Variants in CALN1 observed in about 807,000 individuals in gnomAD.
CALN1 encodes calcium-binding protein 8.
CALN1 carries 17 observed loss-of-function variants against 30.6 expected under a neutral mutation model. That is an observed-to-expected ratio of 0.56 (90% confidence interval 0.38 to 0.83). The LOEUF is 0.83. Ranked by LOEUF, CALN1 falls within the 40% of genes least tolerant of loss-of-function variation. The pLI is 0.00. For missense variants in CALN1, 291 were observed against 354.9 expected, an observed-to-expected ratio of 0.82 and a Z score of 1.45; for synonymous variants, 156 against 131.4, an observed-to-expected ratio of 1.19 and a Z score of -1.28.
At chr7:72,178,290 T>C (rs1789511282) in intron 3 of CALN1, among the ~76,000 whole-genome samples, 1 of 152,196 alleles carries the variant, frequency 6.6e-6, no homozygotes, top group Non-Finnish European at 1.5e-5. Context: ...AGGGAAATTC[T>C]GAGAAAGAAA....
At chr7:71,936,691 T>C (rs1175447308) in intron 5 of CALN1, among the ~76,000 whole-genome samples, 1 of 152,192 alleles carries the variant, frequency 6.6e-6, no homozygotes, top group East Asian at 1.9e-4. Context: ...AAAGCTTTTT[T>C]CAATTTGATC....
intron 2 of CALN1, among the ~76,000 whole-genome samples, chr7:72,368,221 G>C (rs921125410): frequency 2.0e-5 from 3 of 150,372 alleles, no homozygotes; most frequent in Non-Finnish European, 4.4e-5. Flanking sequence ...ATATCTATGT[G>C]CGTGATATAT....
At chr7:72,065,130 A>C (rs1803931051) in intron 4 of CALN1, among the ~76,000 whole-genome samples, 1 of 148,342 alleles carries the variant, frequency 6.7e-6, no homozygotes, top group African/African-American at 2.5e-5. Flanking sequence ...TATGTAAAAT[A>C]TATTTATATT....
chr7:71,993,021 A>G (rs1799037998), intron 5 of CALN1, among the ~76,000 whole-genome samples: 1 of 151,860 alleles, frequency 6.6e-6, no homozygotes, highest in Admixed American at 6.6e-5. Flanking sequence ...ATTGGAGAAG[A>G]AAGAGAACCA....
chr7:72,015,102 A>G (rs1199333153), intron 5 of CALN1, among the ~76,000 whole-genome samples: 1 of 152,220 alleles, frequency 6.6e-6, no homozygotes, highest in Non-Finnish European at 1.5e-5. Context: ...CCACCTTTTC[A>G]AAACAGTTTA....
At chr7:72,439,721 C>A (rs143829439) in intron 1 of CALN1, among the ~76,000 whole-genome samples, 1 of 151,848 alleles carries the variant, frequency 6.6e-6, no homozygotes, top group African/African-American at 2.4e-5. Context: ...GGATGACAAG[C>A]GCCCGCCACA....
At chr7:72,390,849 C>T (rs958910957) in intron 2 of CALN1, among the ~76,000 whole-genome samples, 2 of 152,168 alleles carry the variant, frequency 1.3e-5, no homozygotes, top group Non-Finnish European at 2.9e-5. Context: ...TGATACCATG[C>T]TTATGTATAA....
chr7:72,471,007 G>C, the CALN1 span, among the ~76,000 whole-genome samples: 1 of 152,136 alleles, frequency 6.6e-6, no homozygotes, highest in African/African-American at 2.4e-5. Context: ...CCAGGCTGGA[G>C]TGCAGTGGTG....
At chr7:71,996,183 C>T (rs1000272560) in intron 5 of CALN1, among the ~76,000 whole-genome samples, 1 of 152,102 alleles carries the variant, frequency 6.6e-6, no homozygotes, top group East Asian at 1.9e-4. Flanking sequence ...ATGACTAAAC[C>T]TAAACAAGAT....
chr7:71,971,240 G>C (rs1266767262), intron 5 of CALN1, among the ~76,000 whole-genome samples: 9 of 152,138 alleles, frequency 5.9e-5, no homozygotes, highest in Non-Finnish European at 1.0e-4. Flanking sequence ...CCTGACGTCA[G>C]GAGTTCAAGA....
rs540188573 is a variant in CALN1 at position 72,027,157 on chromosome 7, C to T, written c.389-3388G>A. Among the ~76,000 whole-genome samples, 4 of 152,074 alleles carry T rather than the reference C, an allele frequency of 2.6e-5. No homozygotes were observed. In the East Asian group the frequency reaches 5.8e-4, roughly 22 times the overall value. On this transcript the variant is annotated intron_variant, in intron 4 of 6. Coordinates refer to ENST00000395275, the MANE Select transcript of CALN1 (RefSeq NM_031468.4). ...GTACATAATACACAGTGTATCTGTA[C>T]AAAATTTCAAGAGGGTGGGACAACT... is the stretch of plus-strand genomic sequence containing the variant.
In CALN1 at chr7:72,271,957, G is replaced by A. The variant is rs372051653; in HGVS notation, c.244+6729C>T. Among the ~76,000 whole-genome samples the A allele has an allele frequency of 2.3e-3, 342 of 151,678 alleles. 3 individuals carry two copies. The highest frequency in any genetic ancestry group is 0.017 in the Middle Eastern group (5 of 294). ...GGCACCTGTAATCCCAGCTACTCAGGAGGCTGAGGCAGAAGAATCGCTTGA... is the reference window on the plus strand; with the variant it reads ...GGCACCTGTAATCCCAGCTACTCAGAAGGCTGAGGCAGAAGAATCGCTTGA... On this transcript the variant is annotated intron_variant, in intron 3 of 6. Transcript: ENST00000395275.
intron 3 of CALN1, among the ~76,000 whole-genome samples, chr7:72,186,251 A>G (rs1359382483): frequency 6.6e-6 from 1 of 152,118 alleles, no homozygotes; most frequent in Non-Finnish European, 1.5e-5. Flanking sequence ...TGTTATTTTA[A>G]GCCGCTCAAA....
At chr7:72,292,075 C>A (rs1378270654) in intron 2 of CALN1, among the ~76,000 whole-genome samples, 1 of 151,910 alleles carries the variant, frequency 6.6e-6, no homozygotes. Flanking sequence ...TAGTAAGTTG[C>A]TACTAGGTTG....
intron 2 of CALN1, among the ~76,000 whole-genome samples, chr7:72,292,559 GCCTGTAATCCCA>G: frequency 6.6e-6 from 1 of 151,244 alleles, no homozygotes; most frequent in Non-Finnish European, 1.5e-5. Context: ...AGTGGCTTAT[GCCTGTAATCCCA>G]GCACTTTGGG....
rs568972065 is a variant in CALN1 at position 71,838,749 on chromosome 7, G to C, written c.502-28257C>G. Among the ~76,000 whole-genome samples the C allele has an allele frequency of 7.2e-5, 11 of 152,234 alleles. No homozygotes were observed. The South Asian group carries it at 2.1e-3, about 29-fold the overall frequency. On this transcript the variant is annotated intron_variant, in intron 5 of 6. Coordinates refer to ENST00000395275, the MANE Select transcript of CALN1 (RefSeq NM_031468.4). ...TAGTGAGTGAGTTCTCAGGACATCT[G>C]ATGGTTTTATAAGGGGCTTTTCCCT...
chr7:72,243,151 A>G (rs1045075437), intron 3 of CALN1, among the ~76,000 whole-genome samples: 22 of 152,158 alleles, frequency 1.4e-4, no homozygotes, highest in Non-Finnish European at 5.9e-5. Context: ...AGATGAGGTC[A>G]TGAGGGAGGA....
At chr7:72,443,776 A>G (rs1808434662) in intron 1 of CALN1, among the ~76,000 whole-genome samples, 1 of 151,832 alleles carries the variant, frequency 6.6e-6, no homozygotes, top group East Asian at 2.0e-4. Flanking sequence ...TCCAACCCCT[A>G]GCTAGAGAGA....
At chr7:72,203,979 C>CTTT (rs869149598) in intron 3 of CALN1, among the ~76,000 whole-genome samples, 918 of 83,654 alleles carry the variant, frequency 0.011, 122 homozygotes, top group Middle Eastern at 0.018. Flanking sequence ...AGGCCTCTCT[C>CTTT]TTTTTTTTTT....
Sources: gnomAD v4.1 joint callset for allele counts (sites outside exome capture counted in the v4.1 genomes callset) on GRCh38, gnomAD v4.1.1 for gene constraint, MANE v1.5 for transcripts, NCBI Gene and HGNC (gene_info 2026-07-23, HGNC 2026-07-21) for gene names.